Variants in VPS26C observed in about 807,000 individuals in gnomAD.
VPS26C encodes the protein VPS26 endosomal protein sorting factor C.
Under a neutral mutation model 30.6 loss-of-function variants are expected in VPS26C, and 19 were observed. The ratio of observed to expected loss-of-function variants is 0.62; its 90% CI spans 0.43 to 0.91. VPS26C has a LOEUF of 0.91. VPS26C is among the 40% of genes least tolerant of loss of function. VPS26C has a pLI of 0.00. For missense variants in VPS26C, 318 were observed against 385.1 expected, an observed-to-expected ratio of 0.83 and a Z score of 1.46; for synonymous variants, 132 against 151.5, an observed-to-expected ratio of 0.87 and a Z score of 0.95.
chr21:37,266,961 G>C (rs1480391451), intron 1 of VPS26C: 2 of 367,172 alleles, frequency 5.4e-6, no homozygotes, highest in African/African-American at 1.5e-4. Context: ...GGCCAGATGG[G>C]AAGAGCGCAG....
chr21:37,262,951 G>A (rs1035519824), intron 1 of VPS26C, among the ~76,000 whole-genome samples: 56 of 152,080 alleles, frequency 3.7e-4, no homozygotes, highest in African/African-American at 1.3e-3. Flanking sequence ...TTTTAGTAGA[G>A]ATGAGGTTTC....
intron 1 of VPS26C, among the ~76,000 whole-genome samples, chr21:37,244,392 C>T (rs2086117224): frequency 1.3e-5 from 2 of 152,352 alleles, no homozygotes; most frequent in Admixed American, 1.3e-4. Flanking sequence ...CATGCACCAC[C>T]ACACCCAGCT....
chr21:37,234,256 GT>G (rs2085996776), intron 3 of VPS26C, among the ~76,000 whole-genome samples: 1 of 152,252 alleles, frequency 6.6e-6, no homozygotes, highest in African/African-American at 2.4e-5. Flanking sequence ...ACACACAGAT[GT>G]AGCCTGCACC....
In VPS26C at chr21:37,238,513, T is replaced by G; in HGVS notation, c.298A>C (p.Lys100Gln). 1 of 1,614,166 alleles carries G rather than the reference T, an allele frequency of 6.2e-7. No homozygotes were observed. The highest frequency in any genetic ancestry group is 8.5e-7 in the Non-Finnish European group (1 of 1,180,032). The part of the protein sequence containing the change: ...EIPFEFPLHL[K>Q]GNKVLYETYH... ...GTCTCATACAGAACTTTGTTACCCT[T>G]CAAGTGCAGAGGAAATTCAAAAGGG... The change falls in exon 3 of 8, where the codon AAG (lysine) becomes CAG (glutamine). Residue 100 changes from lysine to glutamine, a missense_variant. Physicochemically the swap from Lys to Gln is moderately conservative, Grantham distance 53. Transcript: ENST00000309117.
At chr21:37,237,098 T>C (rs1313952462) in intron 3 of VPS26C, among the ~76,000 whole-genome samples, 1 of 152,230 alleles carries the variant, frequency 6.6e-6, no homozygotes, top group African/African-American at 2.4e-5. Flanking sequence ...ACGTTTTCTA[T>C]GTATATCTGA....
chr21:37,241,817 A>G (rs1300006947), intron 1 of VPS26C, among the ~76,000 whole-genome samples: 1 of 152,152 alleles, frequency 6.6e-6, no homozygotes, highest in Non-Finnish European at 1.5e-5. Context: ...GCAAAACCCT[A>G]TCTCAAAAAT....
At chr21:37,248,832 CA>C (rs1336676947) in intron 1 of VPS26C, among the ~76,000 whole-genome samples, 1 of 151,636 alleles carries the variant, frequency 6.6e-6, no homozygotes, top group African/African-American at 2.4e-5. Context: ...TTGTAAATAC[CA>C]GTGCAAAGGT....
chr21:37,259,488 G>A (rs2086282174), intron 1 of VPS26C, among the ~76,000 whole-genome samples: 1 of 152,060 alleles, frequency 6.6e-6, no homozygotes, highest in Non-Finnish European at 1.5e-5. Flanking sequence ...CAGAATTTAA[G>A]AATGTAAAAC....
chr21:37,241,766 G>A (rs1022700305), intron 1 of VPS26C, among the ~76,000 whole-genome samples: 2 of 152,164 alleles, frequency 1.3e-5, no homozygotes, highest in African/African-American at 2.4e-5. Flanking sequence ...AGGCTGCAGC[G>A]AGCTGTGACT....
chr21:37,254,932 G>A (rs1282545214), intron 1 of VPS26C, among the ~76,000 whole-genome samples: 1 of 152,130 alleles, frequency 6.6e-6, no homozygotes, highest in Non-Finnish European at 1.5e-5. Flanking sequence ...GTAGGCTCTG[G>A]GGACAGATCA....
At chr21:37,235,573 C>T (rs2086011549) in intron 3 of VPS26C, among the ~76,000 whole-genome samples, 2 of 152,154 alleles carry the variant, frequency 1.3e-5, no homozygotes, top group African/African-American at 4.8e-5. Context: ...CTTGCTAGCA[C>T]AGCTACAAGA....
At position 37,233,511 on chromosome 21, in the gene VPS26C, A is replaced by G; in HGVS notation, c.352-69T>C. 1 of 1,127,632 alleles carries G rather than the reference A, an allele frequency of 8.9e-7. No homozygotes were observed. Among genetic ancestry groups the G allele is most frequent in the Non-Finnish European group, 1.4e-6 (1 of 739,660 alleles). 69.9% of individuals were successfully genotyped at this position (1,127,632 alleles called of 1,614,324 possible). On this transcript the variant is annotated intron_variant, in intron 3 of 7. Transcript: ENST00000309117. The surrounding 1 kb of genome is among the most constrained non-coding windows in gnomAD (Gnocchi z 5.2). ...TTGCTTTCATCTTGGAATTATATTC[A>G]AAGAGACAAGTCAGTCAACATATTT...
intron 5 of VPS26C, chr21:37,232,100 T>TG (rs2148285354): frequency 4.6e-6 from 2 of 432,510 alleles, no homozygotes; most frequent in Non-Finnish European, 8.3e-6. Context: ...CAGGGGGTCT[T>TG]GGGGGCCCAT....
chr21:37,240,417 G>A (rs1317821337), intron 2 of VPS26C, 79 bp downstream of exon 2: 16 of 1,523,936 alleles, frequency 1.0e-5, no homozygotes, highest in African/African-American at 5.5e-5. Flanking sequence ...GAGCCACTGC[G>A]CCTGGCCCTG....
intron 1 of VPS26C, among the ~76,000 whole-genome samples, chr21:37,241,047 ACT>A (rs888006613): frequency 2.0e-5 from 3 of 152,144 alleles, no homozygotes; most frequent in East Asian, 1.9e-4. Context: ...AGAAAATAAA[ACT>A]CTGTTCGTTA....
chr21:37,235,851 G>A (rs1378150838), intron 3 of VPS26C, among the ~76,000 whole-genome samples: 1 of 55,120 alleles, frequency 1.8e-5, no homozygotes, highest in Non-Finnish European at 3.1e-5. Flanking sequence ...ATATGTGTGT[G>A]TATATATATA....
intron 1 of VPS26C, among the ~76,000 whole-genome samples, chr21:37,255,775 G>GTGGGTC: frequency 6.6e-6 from 1 of 151,734 alleles, no homozygotes; most frequent in East Asian, 1.9e-4. Context: ...CAGTAAACTG[G>GTGGGTC]TGGGTCTGTA....
Position 37,240,496 on chromosome 21 carries a change from C to A in VPS26C, c.201G>T (p.Lys67Asn). 6.2e-7 allele frequency: 1 copy of A among 1,613,816 alleles called. No homozygotes were observed. Among genetic ancestry groups the A allele is most frequent in the East Asian group, 2.2e-5 (1 of 44,870 alleles). Reference sequence around the variant, plus strand: ...TTGCAATCTAAGCATTCTTTCTTACCTTAACAGAATTATAAAAAGCTTCAA... The same window carrying A: ...TTGCAATCTAAGCATTCTTTCTTACATTAACAGAATTATAAAAAGCTTCAA... ...GVFEAFYNSV[K>N]PIQIINSTIE... The change falls in exon 2 of 8, where the codon AAG (lysine) becomes AAT (asparagine). Residue 67 changes from lysine (K) to asparagine (N), a missense_variant and splice_region_variant. Coordinates refer to ENST00000309117, the MANE Select transcript of VPS26C (RefSeq NM_006052.2).
At chr21:37,232,553 T>G in intron 4 of VPS26C, 102 bp from the exon 5 acceptor site, 1 of 976,194 alleles carries the variant, frequency 1.0e-6, no homozygotes, top group Non-Finnish European at 1.6e-6. Context: ...AGCCTGGCGA[T>G]GCAGGAAGGA....
Sources: allele counts gnomAD v4.1 joint callset (sites outside exome capture counted in the v4.1 genomes callset), GRCh38; gene constraint gnomAD v4.1.1; non-coding constraint Gnocchi (gnomAD v3.1); transcripts MANE v1.5; gene names NCBI Gene and HGNC (gene_info 2026-07-23, HGNC 2026-07-21).